AP2A2: variants seen among roughly 807,000 people sequenced by gnomAD.
AP2A2 encodes the protein adaptor related protein complex 2 subunit alpha 2, also known as AP-2 complex subunit alpha-2.
In AP2A2, 32 loss-of-function variants were observed where a neutral mutation model predicts 104.2. The observed-to-expected ratio is 0.31, with a 90% CI of 0.23 to 0.41. The LOEUF (loss-of-function observed/expected upper bound fraction) is 0.41. AP2A2 is among the 10% of genes least tolerant of loss of function. The probability of loss-of-function intolerance (pLI) is 1.00; values close to 1 mark genes in which losing one functional copy is unlikely to be tolerated. For missense variants in AP2A2, 912 were observed against 1,261.0 expected (o/e 0.72, Z 4.19); for synonymous variants, 539 against 533.3 (o/e 1.01, Z -0.15).
intron 2 of AP2A2, among the ~76,000 whole-genome samples, chr11:962,948 C>A (rs902821383): frequency 2.0e-5 from 3 of 151,960 alleles, no homozygotes; most frequent in Non-Finnish European, 4.4e-5. Flanking sequence ...TGAGGCCTGC[C>A]CTGCCAGCTG....
At chr11:966,429 T>C (rs1854620785) in intron 2 of AP2A2, among the ~76,000 whole-genome samples, 1 of 152,142 alleles carries the variant, frequency 6.6e-6, no homozygotes, top group African/African-American at 2.4e-5. Context: ...GCCTAGGAGG[T>C]TGAGGCTGCA....
At position 959,460 on chromosome 11, in the gene AP2A2, A is replaced by G; in HGVS notation, c.91A>G (p.Lys31Glu). Reference protein sequence around the residue: ...RNCKSKEAEIKRINKELANIR... With the variant: ...RNCKSKEAEIERINKELANIR... ...AGGTAAAAGTAAAGAAGCAGAAATAAAAAGGATAAACAAGGAACTGGCAAA... is the reference window on the plus strand; with the variant it reads ...AGGTAAAAGTAAAGAAGCAGAAATAGAAAGGATAAACAAGGAACTGGCAAA... The change falls in exon 2 of 22, where the codon AAA (lysine) becomes GAA (glutamate). Residue 31 changes from lysine to glutamate, a missense_variant. This residue lies in a region of AP2A2 where 43 missense variants were observed against 47.0 expected (regional missense o/e 0.91). Coordinates refer to ENST00000448903, the MANE Select transcript of AP2A2 (RefSeq NM_012305.4). 6.4e-7 allele frequency: 1 copy of G among 1,556,368 alleles called. No homozygotes were observed. The highest frequency in any genetic ancestry group is 8.8e-7 in the Non-Finnish European group (1 of 1,132,380).
intron 16 of AP2A2, among the ~76,000 whole-genome samples, chr11:1,005,037 T>G (rs1467016460): frequency 6.6e-6 from 1 of 152,162 alleles, no homozygotes. Flanking sequence ...TGTCCACCCA[T>G]GTCCAATGGC....
At chr11:991,904 G>C (rs1233976813) in intron 10 of AP2A2, among the ~76,000 whole-genome samples, 1 of 152,110 alleles carries the variant, frequency 6.6e-6, no homozygotes, top group African/African-American at 2.4e-5. Context: ...TTGGGGAGAT[G>C]AGTTTGGTGT....
Position 972,281 on chromosome 11 carries a change from C to T in AP2A2, c.473+26C>T, listed in dbSNP as rs1188386948. ...GTATGTGCCGGGCTCGTGCCGGGCT[C>T]CTGCTGAAGATGTGCTGCTTTCATG... On this transcript the variant is annotated intron_variant, in intron 4 of 21. Coordinates refer to ENST00000448903, the MANE Select transcript of AP2A2 (RefSeq NM_012305.4). 7 of 1,544,122 alleles carry T rather than the reference C, an allele frequency of 4.5e-6. No individual in the cohort carries two copies. In the South Asian group the frequency reaches 7.2e-5, roughly 16 times the overall value.
intron 4 of AP2A2, among the ~76,000 whole-genome samples, chr11:975,229 C>T (rs920331044): frequency 1.3e-4 from 20 of 152,122 alleles, no homozygotes; most frequent in African/African-American, 4.8e-4. Context: ...TCCTCGGTCT[C>T]CCTCGTGTGA....
At chr11:963,501 C>T (rs1854509203) in intron 2 of AP2A2, among the ~76,000 whole-genome samples, 1 of 152,150 alleles carries the variant, frequency 6.6e-6, no homozygotes, top group South Asian at 2.1e-4. Flanking sequence ...GTGTGTGTCA[C>T]ACTTAAGAGT....
rs541204471 is a variant in AP2A2, at chr11:969,040, G to A, written c.137-1129G>A. Among the ~76,000 whole-genome samples, 280 of 152,030 alleles carry A rather than the reference G, an allele frequency of 1.8e-3. 4 individuals are homozygous for A. The highest frequency in any genetic ancestry group is 6.5e-3 in the African/African-American group (271 of 41,482). Reference sequence around the variant, plus strand: ...CAAGAAGGGGGCCAGAGCGGCTGTCGCAGCTGGGCTGTCTTCCCAGCCTGC... The same window carrying A: ...CAAGAAGGGGGCCAGAGCGGCTGTCACAGCTGGGCTGTCTTCCCAGCCTGC... On this transcript the variant is annotated intron_variant, in intron 2 of 21. Coordinates refer to ENST00000448903, the MANE Select transcript of AP2A2 (RefSeq NM_012305.4).
chr11:985,614 T>TCG (rs771684565), intron 8 of AP2A2, 32 bp downstream of exon 8: 54 of 1,612,988 alleles, frequency 3.3e-5, no homozygotes, highest in Non-Finnish European at 4.4e-5. Context: ...AGGCTTCGTC[T>TCG]CGCGCACACA....
intron 2 of AP2A2, among the ~76,000 whole-genome samples, chr11:967,297 T>TG (rs1273350852): frequency 6.6e-6 from 1 of 152,244 alleles, no homozygotes; most frequent in East Asian, 1.9e-4. Flanking sequence ...ACCTGTGTTG[T>TG]GACCTTACGT....
intron 2 of AP2A2, among the ~76,000 whole-genome samples, chr11:964,791 CAG>C (rs1854557576): frequency 7.4e-6 from 1 of 135,800 alleles, no homozygotes; most frequent in Non-Finnish European, 1.7e-5. Flanking sequence ...GAAATAATCC[CAG>C]ATGGAAGCGT....
At chr11:1,008,362 A>G (rs971668394) in intron 18 of AP2A2, 141 of 575,436 alleles carry the variant, frequency 2.5e-4, no homozygotes, top group African/African-American at 2.3e-3. Flanking sequence ...CAGCTCCCAC[A>G]TGGGGCCTTG....
intron 15 of AP2A2, among the ~76,000 whole-genome samples, chr11:1,003,296 T>C (rs1856085378): frequency 6.6e-6 from 1 of 152,170 alleles, no homozygotes; most frequent in Non-Finnish European, 1.5e-5. Flanking sequence ...TGCCCGTGCA[T>C]GCGTGTGCAT....
intron 2 of AP2A2, among the ~76,000 whole-genome samples, chr11:967,827 G>A (rs1185675643): frequency 6.6e-6 from 1 of 152,162 alleles, no homozygotes; most frequent in Non-Finnish European, 1.5e-5. Context: ...TCTCTCCTCT[G>A]ATCTGCACAA....
chr11:940,562 A>G (rs577077569), intron 1 of AP2A2, among the ~76,000 whole-genome samples: 1 of 152,120 alleles, frequency 6.6e-6, no homozygotes, highest in South Asian at 2.1e-4. Flanking sequence ...GAGCTTTCTC[A>G]TGACCCAAGT....
chr11:1,001,921 A>G (rs1390247360), intron 15 of AP2A2, among the ~76,000 whole-genome samples: 1 of 152,026 alleles, frequency 6.6e-6, no homozygotes, highest in East Asian at 1.9e-4. Context: ...CTGGCTACAG[A>G]GGGTCATCAG....
chr11:997,614 G>A (rs1341904777), intron 14 of AP2A2, among the ~76,000 whole-genome samples: 5 of 152,352 alleles, frequency 3.3e-5, no homozygotes, highest in Non-Finnish European at 4.4e-5. Flanking sequence ...GCAGTTAAAA[G>A]CCATAGATGG....
chr11:965,411 G>A (rs1457236712), intron 2 of AP2A2, among the ~76,000 whole-genome samples: 8 of 152,202 alleles, frequency 5.3e-5, no homozygotes, highest in Admixed American at 5.2e-4. Flanking sequence ...AACCGTATTT[G>A]TTTGCCATCA....
At chr11:926,157 C>T (rs1853112925) in intron 1 of AP2A2, 69 bp downstream of exon 1, 1 of 1,111,256 alleles carries the variant, frequency 9.0e-7, no homozygotes, top group Admixed American at 4.5e-5. Flanking sequence ...GGAGCGGAGG[C>T]CCGGGGCGGG....
Sources: allele counts gnomAD v4.1 joint callset (sites outside exome capture counted in the v4.1 genomes callset), GRCh38; gene constraint gnomAD v4.1.1; regional missense constraint gnomAD v4.1.1; transcripts MANE v1.5; gene names NCBI Gene and HGNC (gene_info 2026-07-23, HGNC 2026-07-21).